Variants in MBOAT2 observed in about 807,000 individuals in gnomAD.
MBOAT2 encodes membrane bound glycerophospholipid O-acyltransferase 2.
Under a neutral mutation model 63.4 loss-of-function variants are expected in MBOAT2, and 28 were observed. That is an observed-to-expected ratio of 0.44 (90% CI 0.33 to 0.61). The LOEUF is 0.61. Ranked by LOEUF, MBOAT2 falls within the 20% of genes least tolerant of loss-of-function variation. The probability of loss-of-function intolerance (pLI) is 0.03; values close to 1 mark genes in which losing one functional copy is unlikely to be tolerated. For missense variants in MBOAT2, 470 were observed against 605.8 expected (o/e 0.78, Z 2.35); for synonymous variants, 211 against 215.6 (o/e 0.98, Z 0.19).
chr2:8,879,771 G>A (rs1402188916), intron 6 of MBOAT2, among the ~76,000 whole-genome samples: 1 of 152,142 alleles, frequency 6.6e-6, no homozygotes, highest in Non-Finnish European at 1.5e-5. Context: ...ACCACGGTTT[G>A]GATGATGGGG....
At chr2:8,888,815 C>T (rs1291060531) in intron 4 of MBOAT2, among the ~76,000 whole-genome samples, 3 of 151,862 alleles carry the variant, frequency 2.0e-5, no homozygotes, top group Non-Finnish European at 4.4e-5. Context: ...ATCGCTTGAG[C>T]CCAGGAGTCT....
At chr2:9,002,706 G>A (rs1672789165) in intron 1 of MBOAT2, among the ~76,000 whole-genome samples, 2 of 150,936 alleles carry the variant, frequency 1.3e-5, no homozygotes, top group South Asian at 4.2e-4. Context: ...AAATGGCGCT[G>A]CTTTTCCCAT....
chr2:8,922,875 A>G (rs1184660711), intron 3 of MBOAT2, among the ~76,000 whole-genome samples: 7 of 152,208 alleles, frequency 4.6e-5, no homozygotes, highest in Non-Finnish European at 1.0e-4. Context: ...GGAGAGCTGG[A>G]GGCATTCTCT....
chr2:8,878,803 G>A (rs940414838), intron 6 of MBOAT2, among the ~76,000 whole-genome samples: 1 of 152,126 alleles, frequency 6.6e-6, no homozygotes, highest in East Asian at 1.9e-4. Context: ...TTGGCCGGGC[G>A]CGGTGGCTCA....
chr2:8,887,450 C>T (rs1663642684), intron 5 of MBOAT2, among the ~76,000 whole-genome samples: 1 of 152,126 alleles, frequency 6.6e-6, no homozygotes, highest in African/African-American at 2.4e-5. Flanking sequence ...TCAAACTCAT[C>T]TCAAAAGCTC....
chr2:8,958,733 A>C, intron 1 of MBOAT2, 91 bp from the exon 2 acceptor site: 1 of 1,263,522 alleles, frequency 7.9e-7, no homozygotes, highest in East Asian at 2.6e-5. Context: ...AAAAACACCA[A>C]GGTTACACAA....
intron 2 of MBOAT2, among the ~76,000 whole-genome samples, chr2:8,954,576 G>A (rs1669077251): frequency 6.6e-6 from 1 of 152,044 alleles, no homozygotes; most frequent in Admixed American, 6.6e-5. Flanking sequence ...CACAGGAATG[G>A]GAGATGGCTT....
chr2:8,861,829 T>A (rs1661521259), intron 11 of MBOAT2, among the ~76,000 whole-genome samples: 1 of 152,192 alleles, frequency 6.6e-6, no homozygotes, highest in Non-Finnish European at 1.5e-5. Context: ...TACACACATA[T>A]ACACCTTATC....
intron 3 of MBOAT2, among the ~76,000 whole-genome samples, chr2:8,915,050 T>G (rs565432831): frequency 6.8e-6 from 1 of 146,262 alleles, no homozygotes; most frequent in South Asian, 2.3e-4. Flanking sequence ...GAGATGCTCC[T>G]GCCTCAGCCT....
chr2:8,874,782 C>T (rs1296443657), intron 7 of MBOAT2, among the ~76,000 whole-genome samples: 1 of 152,200 alleles, frequency 6.6e-6, no homozygotes, highest in Non-Finnish European at 1.5e-5. Context: ...CCCTCCTCCC[C>T]TTCCTGCACA....
chr2:8,944,647 T>TCA (rs1371997371), intron 2 of MBOAT2, among the ~76,000 whole-genome samples: 1 of 126,080 alleles, frequency 7.9e-6, no homozygotes, highest in African/African-American at 3.7e-5. Context: ...TCTGTTTGAC[T>TCA]GACACACACA....
chr2:8,923,340 C>CT (rs1281547072), intron 3 of MBOAT2, among the ~76,000 whole-genome samples: 1 of 152,124 alleles, frequency 6.6e-6, no homozygotes, highest in Non-Finnish European at 1.5e-5. Flanking sequence ...AAGAACTGGT[C>CT]TTTGAGATAT....
At chr2:9,002,221 A>C (rs906847470) in intron 1 of MBOAT2, among the ~76,000 whole-genome samples, 2 of 152,364 alleles carry the variant, frequency 1.3e-5, no homozygotes, top group South Asian at 4.1e-4. Flanking sequence ...ACTCTTGTTC[A>C]AGACAGGTGG....
chr2:8,854,899 A>G lies in MBOAT2; in HGVS notation c.*3780T>C, dbSNP rs1241727754. ...TAACTTTGAGATGTTATATAGTGGT[A>G]AACCCTGTCCAGTAGTCAGTAATCT... is the stretch of plus-strand genomic sequence containing the variant. On this transcript the variant is annotated 3_prime_UTR_variant, in exon 13 of 13. Transcript: ENST00000305997. 5 of 152,252 alleles carry G rather than the reference A, an allele frequency of 3.3e-5. No homozygotes were observed. The highest frequency in any genetic ancestry group is 7.3e-5 in the Non-Finnish European group (5 of 68,048). 9.4% of individuals were successfully genotyped at this position (152,252 alleles called of 1,614,324 possible).
chr2:8,863,901 AC>A (rs1396440461), intron 10 of MBOAT2, among the ~76,000 whole-genome samples: 1 of 152,142 alleles, frequency 6.6e-6, no homozygotes, highest in Non-Finnish European at 1.5e-5. Context: ...GATACTGGTG[AC>A]CTCTGACATT....
At chr2:8,981,438 T>C (rs1558681027) in intron 1 of MBOAT2, among the ~76,000 whole-genome samples, 1 of 152,182 alleles carries the variant, frequency 6.6e-6, no homozygotes, top group Admixed American at 6.6e-5. Context: ...AGATATGCTG[T>C]CGCCCCCAAC....
intron 1 of MBOAT2, among the ~76,000 whole-genome samples, chr2:9,001,541 T>C (rs549215899): frequency 1.7e-4 from 26 of 152,334 alleles, no homozygotes; most frequent in African/African-American, 6.3e-4. Flanking sequence ...CACTATGCAG[T>C]GCACGACTGT....
At chr2:8,943,121 T>C (rs74859783) in intron 3 of MBOAT2, 66 bp downstream of exon 3, 45,411 of 865,522 alleles carry the variant, frequency 0.052, 1,337 homozygotes, top group Middle Eastern at 0.071. Context: ...ATAAATAAAA[T>C]TCTATTTTGA....
intron 3 of MBOAT2, among the ~76,000 whole-genome samples, chr2:8,923,750 A>C (rs1666747525): frequency 6.6e-6 from 1 of 152,122 alleles, no homozygotes; most frequent in Non-Finnish European, 1.5e-5. Context: ...TTTTGATCTA[A>C]AAGTCAGCAG....
Sources: allele counts gnomAD v4.1 joint callset (sites outside exome capture counted in the v4.1 genomes callset), GRCh38; gene constraint gnomAD v4.1.1; transcripts MANE v1.5; gene names NCBI Gene and HGNC (gene_info 2026-07-23, HGNC 2026-07-21).